Variants in ZMIZ1 observed in about 807,000 individuals in gnomAD.
The protein encoded by ZMIZ1 is zinc finger MIZ-type containing 1.
In ZMIZ1, 17 loss-of-function variants were observed where a neutral mutation model predicts 113.9. The observed-to-expected ratio is 0.15, with a 90% CI of 0.10 to 0.22. ZMIZ1 has a LOEUF of 0.22. Ranked by LOEUF, ZMIZ1 falls within the 10% of genes least tolerant of loss-of-function variation. The probability of loss-of-function intolerance (pLI) is 1.00; values close to 1 mark genes in which losing one functional copy is unlikely to be tolerated. For synonymous variants in ZMIZ1, 607 were observed against 603.1 expected (o/e 1.01, Z -0.09); for missense variants, 1,059 against 1,477.8 (o/e 0.72, Z 4.65).
Position 79,201,578 on chromosome 10 carries a change from T to C in ZMIZ1, c.-49-6T>C. 3 of 1,603,402 alleles carry C rather than the reference T, an allele frequency of 1.9e-6. No homozygotes were observed. The highest frequency in any genetic ancestry group is 2.6e-6 in the Non-Finnish European group (3 of 1,172,858). The stretch of plus-strand genomic sequence containing the variant: ...TCCAGTGACAACCTCTCCTTTCTCT[T>C]CGCAGGCTGGACAACGTTCATGGCT... On this transcript the variant is annotated splice_polypyrimidine_tract_variant and splice_region_variant and intron_variant, in intron 4 of 24. Transcript: ENST00000334512.
At chr10:79,113,905 G>A (rs1322402472) in intron 1 of ZMIZ1, among the ~76,000 whole-genome samples, 1 of 152,232 alleles carries the variant, frequency 6.6e-6, no homozygotes, top group African/African-American at 2.4e-5. Context: ...GGCCTGATGT[G>A]TAGTATCAGC....
At position 79,298,430 on chromosome 10, in the gene ZMIZ1, A is replaced by G. The variant is rs1463651271; in HGVS notation, c.1516A>G (p.Asn506Asp). ...GCCTCCCAGGCCGGTTCCTGTGGCAAATTACCCCCACTCACCTGTTCCAGG... is the reference window on the plus strand; with the variant it reads ...GCCTCCCAGGCCGGTTCCTGTGGCAGATTACCCCCACTCACCTGTTCCAGG... ...NRPPRPVPVANYPHSPVPGNP... is the reference protein window; with the variant it reads ...NRPPRPVPVADYPHSPVPGNP... The change falls in exon 15 of 25, where the codon AAT becomes GAT. Residue 506 changes from asparagine to aspartate, a missense_variant. By Grantham distance (23) the Asn-to-Asp change is conservative. Around this residue, in one of 6 missense-constraint regions of ZMIZ1, gnomAD observed 239 missense variants for 247.5 expected, o/e 0.97. Transcript: ENST00000334512. 1 of 1,609,528 alleles carries G rather than the reference A, an allele frequency of 6.2e-7. No homozygotes were observed. The highest frequency in any genetic ancestry group is 2.3e-5 in the East Asian group (1 of 44,262).
chr10:79,150,302 G>C (rs1448362698), intron 3 of ZMIZ1, among the ~76,000 whole-genome samples: 1 of 152,232 alleles, frequency 6.6e-6, no homozygotes, highest in African/African-American at 2.4e-5. Context: ...TCCCATGAGA[G>C]CTGCTGCCAG....
intron 2 of ZMIZ1, among the ~76,000 whole-genome samples, chr10:79,135,953 G>A (rs1294808394): frequency 2.7e-5 from 4 of 150,770 alleles, no homozygotes; most frequent in African/African-American, 9.8e-5. Context: ...CCCCTTTATC[G>A]CCCTGTACAC....
chr10:79,303,877 C>A, intron 18 of ZMIZ1, 138 bp from the exon 19 acceptor site: 1 of 1,266,350 alleles, frequency 7.9e-7, no homozygotes, highest in Non-Finnish European at 1.1e-6. Flanking sequence ...ACACACTGCC[C>A]TCTCAGCGTT....
chr10:79,292,154 G>A lies in ZMIZ1; in HGVS notation c.759-4G>A, dbSNP rs377405413. On this transcript the variant is annotated splice_region_variant and splice_polypyrimidine_tract_variant and intron_variant, in intron 10 of 24. Coordinates refer to ENST00000334512, the MANE Select transcript of ZMIZ1 (RefSeq NM_020338.4). ...CTAACTCTTCCACCCTTCTCCCCCTGCAGTTACCCTGGGGGTCCTAACGCC... is the reference window on the plus strand; with the variant it reads ...CTAACTCTTCCACCCTTCTCCCCCTACAGTTACCCTGGGGGTCCTAACGCC... 7 of 1,605,082 alleles carry A rather than the reference G, an allele frequency of 4.4e-6. No individual in the cohort carries two copies. The East Asian group carries it at 1.6e-4, about 36-fold the overall frequency.
At chr10:79,217,817 A>G (rs1782757306) in intron 7 of ZMIZ1, among the ~76,000 whole-genome samples, 1 of 152,200 alleles carries the variant, frequency 6.6e-6, no homozygotes, top group Non-Finnish European at 1.5e-5. Context: ...GCATTGGGAT[A>G]TTGCTATCGT....
intron 1 of ZMIZ1, among the ~76,000 whole-genome samples, chr10:79,106,258 G>A (rs1378287807): frequency 6.6e-6 from 1 of 152,350 alleles, no homozygotes; most frequent in East Asian, 1.9e-4. Context: ...TCTCCCAGAT[G>A]TGGCTGAACC....
In ZMIZ1 at chr10:79,304,324, C is replaced by T. The variant is rs12253689; in HGVS notation, c.2286+149C>T. 10,219 of 1,163,238 alleles carry T rather than the reference C, an allele frequency of 8.8e-3. 659 individuals carry two copies. The African/African-American group carries it at 0.14, about 16-fold the overall frequency. 72.1% of individuals were successfully genotyped at this position (1,163,238 alleles called of 1,614,324 possible). On this transcript the variant is annotated intron_variant, in intron 19 of 24. Transcript: ENST00000334512. Reference sequence around the variant, plus strand: ...GCAGCTGGCGTCACTCATTAATTTCCGCCATCATTTATCTTTGAGCATCTT... The same window carrying T: ...GCAGCTGGCGTCACTCATTAATTTCTGCCATCATTTATCTTTGAGCATCTT...
chr10:79,141,367 C>T (rs1049057030), intron 3 of ZMIZ1, among the ~76,000 whole-genome samples: 2 of 152,136 alleles, frequency 1.3e-5, no homozygotes, highest in African/African-American at 4.8e-5. Context: ...GGTCAGGTGA[C>T]GCTAAGTTTT....
intron 7 of ZMIZ1, among the ~76,000 whole-genome samples, chr10:79,264,655 G>C (rs1248954528): frequency 6.6e-6 from 1 of 152,128 alleles, no homozygotes; most frequent in East Asian, 1.9e-4. Context: ...CCAAGATAGG[G>C]GCTGTGACCT....
intron 1 of ZMIZ1, among the ~76,000 whole-genome samples, chr10:79,110,570 G>C (rs1843702032): frequency 6.6e-6 from 1 of 152,200 alleles, no homozygotes; most frequent in Admixed American, 6.5e-5. Flanking sequence ...TACTGATGTT[G>C]GCCGACTACA....
intron 9 of ZMIZ1, among the ~76,000 whole-genome samples, chr10:79,290,547 G>A (rs967523054): frequency 3.9e-5 from 6 of 152,188 alleles, no homozygotes; most frequent in South Asian, 2.1e-4. Flanking sequence ...GCAGCCAGGG[G>A]CCTTGGGGCC....
chr10:79,295,217 CG>C (rs1853805395), intron 12 of ZMIZ1: 1 of 152,236 alleles, frequency 6.6e-6, no homozygotes, highest in East Asian at 1.9e-4. Context: ...GAGGCAATCT[CG>C]GATGAGGCTT....
chr10:79,286,508 T>C (rs1250567), intron 8 of ZMIZ1, among the ~76,000 whole-genome samples: 85,430 of 152,200 alleles, frequency 0.56, 25,945 homozygotes, highest in African/African-American at 0.79. Flanking sequence ...GTCCTGAGAC[T>C]GCCCCACACG....
rs116556739 is a variant in ZMIZ1 at position 79,105,339 on chromosome 10, G to A, written c.-336-13576G>A. 4.2e-3 allele frequency among the ~76,000 whole-genome samples: 643 copies of A among 152,336 alleles called. 3 individuals carry two copies. The highest frequency in any genetic ancestry group is 0.015 in the African/African-American group (614 of 41,572). Reference sequence around the variant, plus strand: ...AGGCAAGAGACCAGGGTCGGAAGCCGGGCTTGGCCACTGACTGCTGTGTGA... The same window carrying A: ...AGGCAAGAGACCAGGGTCGGAAGCCAGGCTTGGCCACTGACTGCTGTGTGA... On this transcript the variant is annotated intron_variant, in intron 1 of 24. Transcript: ENST00000334512.
At chr10:79,265,588 C>T (rs1024987501) in intron 7 of ZMIZ1, among the ~76,000 whole-genome samples, 1 of 150,056 alleles carries the variant, frequency 6.7e-6, no homozygotes, top group Non-Finnish European at 1.5e-5. Context: ...CAGCTTGCTA[C>T]TGATGGTGCT....
intron 4 of ZMIZ1, among the ~76,000 whole-genome samples, chr10:79,177,151 A>G (rs1846906278): frequency 6.6e-6 from 1 of 152,196 alleles, no homozygotes; most frequent in African/African-American, 2.4e-5. Flanking sequence ...CTGTAAATTG[A>G]AAACATGATG....
chr10:79,094,892 T>C (rs893575047), intron 1 of ZMIZ1, among the ~76,000 whole-genome samples: 4 of 151,222 alleles, frequency 2.6e-5, no homozygotes, highest in African/African-American at 9.8e-5. Context: ...GAGGCTGTAG[T>C]GAGCCACAGT....
Sources: gnomAD v4.1 joint callset for allele counts (sites outside exome capture counted in the v4.1 genomes callset) on GRCh38, gnomAD v4.1.1 for gene constraint, gnomAD v4.1.1 regional missense constraint, MANE v1.5 for transcripts, NCBI Gene and HGNC (gene_info 2026-07-23, HGNC 2026-07-21) for gene names.